The following CSMD1 variants were observed in gnomAD, a reference collection of about 807,000 sequenced individuals.
CSMD1 encodes the protein CUB and sushi domain-containing protein 1.
A neutral mutation model predicts 417.5 loss-of-function variants in CSMD1; 213 were observed. The observed-to-expected ratio is 0.51, with a 90% CI of 0.46 to 0.57. The LOEUF (loss-of-function observed/expected upper bound fraction) is 0.57, where lower values mean the gene tolerates loss of function less well. Ranked by LOEUF, CSMD1 falls within the 20% of genes least tolerant of loss-of-function variation. CSMD1 has a pLI of 0.00. For missense variants in CSMD1, 6,923 were observed against 4,529.7 expected (o/e 1.53, Z -15.17); for synonymous variants, 2,862 against 1,736.8 (o/e 1.65, Z -16.11).
At chr8:3,200,424 G>T (rs955402294) in intron 32 of CSMD1, among the ~76,000 whole-genome samples, 7 of 151,718 alleles carry the variant, frequency 4.6e-5, no homozygotes, top group Admixed American at 2.0e-4. Flanking sequence ...GCGTGGTGGT[G>T]CATGCCTGTA....
chr8:4,240,706 A>G (rs1250972691), intron 3 of CSMD1, among the ~76,000 whole-genome samples: 2 of 152,204 alleles, frequency 1.3e-5, no homozygotes, highest in African/African-American at 4.8e-5. Flanking sequence ...CCACAATTTA[A>G]AAAATGCAGT....
At chr8:4,157,956 G>C (rs1380494104) in intron 3 of CSMD1, among the ~76,000 whole-genome samples, 2 of 152,184 alleles carry the variant, frequency 1.3e-5, no homozygotes, top group Non-Finnish European at 2.9e-5. Context: ...ACATCTTTTA[G>C]CAACGTATGC....
chr8:4,742,293 G>A (rs991421534), intron 1 of CSMD1, among the ~76,000 whole-genome samples: 11 of 151,684 alleles, frequency 7.3e-5, no homozygotes, highest in Admixed American at 2.6e-4. Context: ...GCCTCCCAAA[G>A]TGCTGAGATT....
At chr8:4,428,313 G>A (rs930859865) in intron 2 of CSMD1, among the ~76,000 whole-genome samples, 4 of 152,116 alleles carry the variant, frequency 2.6e-5, no homozygotes, top group Admixed American at 6.5e-5. Flanking sequence ...CACATCTAAC[G>A]AGTCCCAACA....
chr8:4,382,332 C>T (rs1221822712), intron 3 of CSMD1, among the ~76,000 whole-genome samples: 4 of 152,174 alleles, frequency 2.6e-5, no homozygotes, highest in Admixed American at 6.5e-5. Flanking sequence ...CACTTTCTCA[C>T]CAGTGCTCAT....
rs182198301 is a variant in CSMD1 at position 4,793,865 on chromosome 8, A to T, written c.86-156307T>A. On this transcript the variant is annotated intron_variant, in intron 1 of 69. Coordinates refer to ENST00000635120, the MANE Select transcript of CSMD1 (RefSeq NM_033225.6). ...AAAAAAAAAAAAAACTCCTCTGATT[A>T]AAAGTTTGTTAATAAGAATGATCAG... Among the ~76,000 whole-genome samples, 241 of 151,736 alleles carry T rather than the reference A, an allele frequency of 1.6e-3. 1 individual carries two copies. Among genetic ancestry groups the T allele is most frequent in the Non-Finnish European group, 2.7e-3 (185 of 67,894 alleles).
intron 10 of CSMD1, among the ~76,000 whole-genome samples, chr8:3,549,119 C>T (rs967398142): frequency 6.6e-5 from 10 of 152,174 alleles, no homozygotes; most frequent in Non-Finnish European, 1.2e-4. Context: ...TGCAGATGCC[C>T]GCTTCCATGT....
rs985038433 is a variant in CSMD1 at position 2,938,399 on chromosome 8, G to C, written c.*186C>G. 7 of 551,830 alleles carry C rather than the reference G, an allele frequency of 1.3e-5. No homozygotes were observed. The highest frequency in any genetic ancestry group is 1.2e-4 in the African/African-American group (6 of 52,156). The allele number at this position is 551,830 out of a possible 1,614,324, so 34.2% of individuals were successfully genotyped here. A position where few individuals can be genotyped will look rare whatever the true frequency, so the allele number is the denominator to read the frequency against. ...CTTTTGGAATGAAAACGCATGTGTAGTTTGATCCGTAGAAGACCCTGACAC... is the reference window on the plus strand; with the variant it reads ...CTTTTGGAATGAAAACGCATGTGTACTTTGATCCGTAGAAGACCCTGACAC... On this transcript the variant is annotated 3_prime_UTR_variant, in exon 70 of 70. Coordinates refer to ENST00000635120, the MANE Select transcript of CSMD1 (RefSeq NM_033225.6).
chr8:3,982,225 G>C (rs973039577), intron 5 of CSMD1, among the ~76,000 whole-genome samples: 1 of 148,698 alleles, frequency 6.7e-6, no homozygotes, highest in South Asian at 2.1e-4. Flanking sequence ...AAACTAGTTA[G>C]AATTAACTAC....
chr8:3,108,216 T>A (rs1032723703), intron 44 of CSMD1, among the ~76,000 whole-genome samples: 3 of 152,186 alleles, frequency 2.0e-5, no homozygotes, highest in Non-Finnish European at 4.4e-5. Context: ...ATGTTCTACA[T>A]ATCGTTTAGA....
chr8:3,292,107 G>A (rs138416719), intron 25 of CSMD1, among the ~76,000 whole-genome samples: 1 of 152,242 alleles, frequency 6.6e-6, no homozygotes, highest in East Asian at 1.9e-4. Context: ...TCAGGAGCAG[G>A]TTGTTCAGTT....
intron 8 of CSMD1, among the ~76,000 whole-genome samples, chr8:3,595,124 T>A (rs1801030475): frequency 6.6e-6 from 1 of 152,190 alleles, no homozygotes; most frequent in Admixed American, 6.5e-5. Flanking sequence ...GTTTTTACAC[T>A]ACTCAGATGG....
In CSMD1 at chr8:3,268,289, A is replaced by ATTTT. The variant is rs1163842745; in HGVS notation, c.4153+15851_4153+15854dup. ...GGTGTGGTCAGATGGTTCATTTCCT[A>ATTTT]TTTTTTTTTTTTTTTTTTTTTTTTT... On this transcript the variant is annotated intron_variant, in intron 26 of 69. Coordinates refer to ENST00000635120, the MANE Select transcript of CSMD1 (RefSeq NM_033225.6). Among the ~76,000 whole-genome samples the ATTTT allele has an allele frequency of 9.3e-4, 78 of 84,278 alleles. 1 individual carries two copies. Among genetic ancestry groups the ATTTT allele is most frequent in the African/African-American group, 2.9e-3 (65 of 22,760 alleles). The allele number at this position is 84,278 out of a possible 152,430, so 55.3% of individuals were successfully genotyped here.
chr8:4,721,818 A>G (rs997205863), intron 1 of CSMD1, among the ~76,000 whole-genome samples: 1 of 152,158 alleles, frequency 6.6e-6, no homozygotes, highest in Admixed American at 6.5e-5. Context: ...GCATCCACCA[A>G]TGCATGAGTG....
chr8:4,496,740 T>A (rs1330227458), intron 2 of CSMD1, among the ~76,000 whole-genome samples: 1 of 152,146 alleles, frequency 6.6e-6, no homozygotes, highest in Non-Finnish European at 1.5e-5. Flanking sequence ...AAAAGCTACT[T>A]GCCTGGAACA....
At chr8:3,736,377 G>C (rs1002699132) in intron 6 of CSMD1, among the ~76,000 whole-genome samples, 5 of 151,962 alleles carry the variant, frequency 3.3e-5, no homozygotes, top group African/African-American at 4.8e-5. Context: ...AAGAAGCTGA[G>C]ACACAGGTGC....
intron 5 of CSMD1, among the ~76,000 whole-genome samples, chr8:3,798,474 T>G (rs147905896): frequency 6.6e-6 from 1 of 152,052 alleles, no homozygotes; most frequent in Non-Finnish European, 1.5e-5. Flanking sequence ...TTGATTCATA[T>G]CTTGTGGATA....
At chr8:3,569,239 G>A (rs1331114280) in intron 10 of CSMD1, among the ~76,000 whole-genome samples, 1 of 152,128 alleles carries the variant, frequency 6.6e-6, no homozygotes, top group Non-Finnish European at 1.5e-5. Flanking sequence ...TCTAACGATA[G>A]ATATTTCGTG....
At chr8:4,449,417 C>T (rs184451180) in intron 2 of CSMD1, among the ~76,000 whole-genome samples, 22 of 152,104 alleles carry the variant, frequency 1.4e-4, no homozygotes, top group Admixed American at 4.6e-4. Flanking sequence ...TTAGAATAGC[C>T]GTGTAGAAGT....
Sources: gnomAD v4.1 joint callset for allele counts (sites outside exome capture counted in the v4.1 genomes callset) on GRCh38, gnomAD v4.1.1 for gene constraint, MANE v1.5 for transcripts, NCBI Gene and HGNC (gene_info 2026-07-23, HGNC 2026-07-21) for gene names.